FAM13B: variants seen among roughly 807,000 people sequenced by gnomAD.
FAM13B encodes the protein family with sequence similarity 13 member B.
In FAM13B, 60 loss-of-function variants were observed where a neutral mutation model predicts 117.3. The ratio of observed to expected loss-of-function variants is 0.51; its 90% CI spans 0.42 to 0.63. FAM13B has a LOEUF of 0.63. FAM13B is among the 30% of genes least tolerant of loss of function. FAM13B has a pLI of 0.00. For missense variants in FAM13B, 972 were observed against 1,091.9 expected (o/e 0.89, Z 1.55); for synonymous variants, 332 against 356.1 (o/e 0.93, Z 0.76).
intron 1 of FAM13B, among the ~76,000 whole-genome samples, chr5:138,030,601 TATA>T (rs1789627076): frequency 6.6e-6 from 1 of 151,874 alleles, no homozygotes; most frequent in South Asian, 2.1e-4. Flanking sequence ...ACCAACAGAG[TATA>T]AGCTCTCCAA....
At chr5:138,036,658 G>A, upstream of FAM13B, 1 of 447,706 alleles carries the variant, frequency 2.2e-6, no homozygotes, top group South Asian at 1.6e-5. Context: ...AAATAACTGA[G>A]TATTTAATCT....
At chr5:138,045,945 CA>C (rs567863456) in intron 1 of FAM13B, among the ~76,000 whole-genome samples, 57 of 141,794 alleles carry the variant, frequency 4.0e-4, no homozygotes, top group African/African-American at 7.9e-4. Flanking sequence ...AATTCCATCT[CA>C]AAAAAAAAAA....
chr5:137,988,422 A>G, intron 7 of FAM13B, 107 bp from the exon 8 acceptor site: 1 of 767,388 alleles, frequency 1.3e-6, no homozygotes, highest in Non-Finnish European at 2.1e-6. Context: ...CCAGGAGAGC[A>G]CATACTAAGT....
chr5:138,002,929 C>A (rs1331548014), intron 7 of FAM13B, among the ~76,000 whole-genome samples: 2 of 151,802 alleles, frequency 1.3e-5, no homozygotes, highest in Non-Finnish European at 2.9e-5. Flanking sequence ...CTGCCTCAGC[C>A]TCCCAAAGTG....
At chr5:138,033,129 A>T, upstream of FAM13B, 1 of 156,318 alleles carries the variant, frequency 6.4e-6, no homozygotes, top group Non-Finnish European at 1.1e-5. Context: ...GGGGCGGGGC[A>T]GGCCGCTGGT....
chr5:137,973,062 C>T (rs1484726958), intron 10 of FAM13B, among the ~76,000 whole-genome samples: 1 of 152,020 alleles, frequency 6.6e-6, no homozygotes, highest in Non-Finnish European at 1.5e-5. Context: ...CAATGCCATC[C>T]CCATCAAGCT....
chr5:138,047,625 A>T (rs545023605), intron 1 of FAM13B, among the ~76,000 whole-genome samples: 1 of 152,386 alleles, frequency 6.6e-6, no homozygotes, highest in African/African-American at 2.4e-5. Flanking sequence ...TGACCCAGAG[A>T]TGGGGAAATT....
In FAM13B at chr5:137,953,191, A is replaced by G. The variant is rs1765514318; in HGVS notation, c.1848+145T>C. 3 of 842,146 alleles carry G rather than the reference A, an allele frequency of 3.6e-6. No individual in the cohort carries two copies. The African/African-American group carries it at 5.1e-5, about 14-fold the overall frequency. 52.2% of individuals were successfully genotyped at this position (842,146 alleles called of 1,614,324 possible). On this transcript the variant is annotated intron_variant, in intron 16 of 23. Transcript: ENST00000689681. Reference sequence around the variant, plus strand: ...AGTCAGGAGACCAAGGAGTTATATAATCTCAGATCTACATGATCACTGTTC... The same window carrying G: ...AGTCAGGAGACCAAGGAGTTATATAGTCTCAGATCTACATGATCACTGTTC...
At position 137,959,633 on chromosome 5, in the gene FAM13B, T is replaced by C. The variant is rs1561749707; in HGVS notation, c.1424A>G (p.Asp475Gly). 2.5e-6 allele frequency: 4 copies of C among 1,613,806 alleles called. No individual in the cohort carries two copies. In the South Asian group the frequency reaches 3.3e-5, roughly 13 times the overall value. Reference protein sequence around the residue: ...IPHLDLKNVSDGDKWEASCPI... With the variant: ...IPHLDLKNVSGGDKWEASCPI... ...AAAATTACCTTCCCATTTATCACCA[T>C]CAGAAACATTCTTCAGATCTAAATG... is the stretch of plus-strand genomic sequence containing the variant. The change falls in exon 13 of 24, where the codon GAT (aspartate) becomes GGT (glycine). Residue 475 changes from aspartate (D) to glycine (G), a missense_variant. Coordinates refer to ENST00000689681, the MANE Select transcript of FAM13B (RefSeq NM_001385994.1).
At chr5:137,961,396 G>A (rs1258177757) in intron 11 of FAM13B, among the ~76,000 whole-genome samples, 1 of 152,086 alleles carries the variant, frequency 6.6e-6, no homozygotes, top group Non-Finnish European at 1.5e-5. Flanking sequence ...AAATCCAGAT[G>A]TCACTATTCT....
chr5:137,963,717 G>A (rs984747798), intron 10 of FAM13B, among the ~76,000 whole-genome samples: 24 of 152,198 alleles, frequency 1.6e-4, no homozygotes, highest in African/African-American at 4.1e-4. Flanking sequence ...GCAGCTGGGG[G>A]AGTGGGGAGT....
chr5:138,045,548 A>G (rs77264641), intron 1 of FAM13B, among the ~76,000 whole-genome samples: 2,625 of 152,240 alleles, frequency 0.017, 40 homozygotes, highest in Non-Finnish European at 0.028. Context: ...CAAAAAAAGA[A>G]AAAAAGGATG....
chr5:137,957,122 G>GCT (rs1264117505), intron 13 of FAM13B, among the ~76,000 whole-genome samples: 2 of 152,168 alleles, frequency 1.3e-5, no homozygotes, highest in Non-Finnish European at 2.9e-5. Context: ...GTGACATAGG[G>GCT]CTCTATTTGG....
intron 4 of FAM13B, among the ~76,000 whole-genome samples, chr5:138,017,376 T>C (rs753134625): frequency 2.0e-5 from 3 of 152,212 alleles, no homozygotes; most frequent in Non-Finnish European, 4.4e-5. Flanking sequence ...CTTAAGGATA[T>C]ATACACACAT....
At chr5:138,005,992 G>A (rs1031335227) in intron 7 of FAM13B, among the ~76,000 whole-genome samples, 2 of 151,132 alleles carry the variant, frequency 1.3e-5, no homozygotes, top group Non-Finnish European at 2.9e-5. Context: ...TCCGCCTCCC[G>A]GGTTCATGCC....
chr5:137,957,540 CAAAAA>C (rs35104775), intron 13 of FAM13B, among the ~76,000 whole-genome samples: 1 of 55,432 alleles, frequency 1.8e-5, no homozygotes, highest in Non-Finnish European at 4.1e-5. Context: ...AACTCCGTCT[CAAAAA>C]AAAAAAAAAA....
At chr5:137,962,108 A>G (rs1768288536) in intron 11 of FAM13B, among the ~76,000 whole-genome samples, 2 of 152,234 alleles carry the variant, frequency 1.3e-5, no homozygotes, top group Non-Finnish European at 2.9e-5. Context: ...AGGTATACTC[A>G]GAATATCAGT....
At chr5:137,994,031 A>G (rs1199835872) in intron 7 of FAM13B, among the ~76,000 whole-genome samples, 5 of 152,242 alleles carry the variant, frequency 3.3e-5, no homozygotes, top group Admixed American at 3.3e-4. Context: ...AAAAGAGGCA[A>G]AAGTTCCAGT....
intron 7 of FAM13B, among the ~76,000 whole-genome samples, chr5:138,000,807 T>G (rs1781036020): frequency 6.6e-6 from 1 of 151,976 alleles, no homozygotes; most frequent in Non-Finnish European, 1.5e-5. Context: ...GGCGCACATC[T>G]GTGGACCCAG....
Sources: gnomAD v4.1 joint callset for allele counts (sites outside exome capture counted in the v4.1 genomes callset) on GRCh38, gnomAD v4.1.1 for gene constraint, MANE v1.5 for transcripts, NCBI Gene and HGNC (gene_info 2026-07-23, HGNC 2026-07-21) for gene names.